The following EDA variants were observed in gnomAD, a reference collection of about 807,000 sequenced individuals.
EDA encodes the protein ectodysplasin-A.
EDA carries 2 observed loss-of-function variants against 23.6 expected under a neutral mutation model. The ratio of observed to expected loss-of-function variants is 0.08; its 90% CI spans 0.03 to 0.27. The LOEUF is 0.27. Ranked by LOEUF, EDA falls within the 10% of genes least tolerant of loss-of-function variation. The pLI is 1.00. For synonymous variants in EDA, 131 were observed against 132.0 expected (o/e 0.99, Z 0.05); for missense variants, 229 against 324.2 (o/e 0.71, Z 2.26).
In EDA at chrX:69,823,061, G is replaced by A. The variant is rs372347872; in HGVS notation, c.397-133966G>A. Among the ~76,000 whole-genome samples the A allele has an allele frequency of 3.6e-4, 35 of 97,801 alleles. 1 individual carries two copies. In the East Asian group the frequency reaches 9.8e-3, roughly 27 times the overall value. 84.9% of individuals were successfully genotyped at this position (97,801 alleles called of 115,157 possible). On this transcript the variant is annotated intron_variant, in intron 1 of 7. Coordinates refer to ENST00000374552, the MANE Select transcript of EDA (RefSeq NM_001399.5). ...TTATGGCTGCATAGTATTCCATGGT[G>A]TATATGTGCCACATTTTCTTAATCC...
chrX:69,650,682 G>A (rs1444241951), intron 1 of EDA, among the ~76,000 whole-genome samples: 1 of 111,530 alleles, frequency 9.0e-6, no homozygotes, highest in Admixed American at 9.6e-5. Context: ...AATATCACAT[G>A]TACTCCAAAA....
chrX:69,818,645 C>T (rs1011035241), intron 1 of EDA, among the ~76,000 whole-genome samples: 14 of 111,374 alleles, frequency 1.3e-4, no homozygotes, highest in African/African-American at 4.2e-4. Flanking sequence ...TGGACACATA[C>T]ACCTTCCCAA....
intron 1 of EDA, among the ~76,000 whole-genome samples, chrX:69,855,993 A>G (rs1468067640): frequency 2.7e-5 from 3 of 109,820 alleles, no homozygotes; most frequent in Non-Finnish European, 5.7e-5. Context: ...TGCACCCATC[A>G]CCCAAGCAGT....
chrX:69,711,312 T>A (rs965818654), intron 1 of EDA, among the ~76,000 whole-genome samples: 3 of 111,804 alleles, frequency 2.7e-5, no homozygotes, highest in African/African-American at 6.5e-5. Context: ...TTTGTCTATG[T>A]TGAACCAGCC....
chrX:69,907,636 T>C (rs1489807749), intron 1 of EDA, among the ~76,000 whole-genome samples: 3 of 111,722 alleles, frequency 2.7e-5, no homozygotes, highest in Non-Finnish European at 5.6e-5. Context: ...AATGTGTACA[T>C]ATATTTAGTT....
intron 1 of EDA, among the ~76,000 whole-genome samples, chrX:69,694,102 A>G (rs1269428447): frequency 1.8e-5 from 2 of 112,290 alleles, no homozygotes; most frequent in East Asian, 5.6e-4. Flanking sequence ...ATAATTTTTT[A>G]TACTCCATGA....
intron 1 of EDA, among the ~76,000 whole-genome samples, chrX:69,873,522 G>C (rs1422072119): frequency 2.7e-5 from 3 of 112,174 alleles, no homozygotes; most frequent in Non-Finnish European, 5.6e-5. Flanking sequence ...CAAGAAGAGA[G>C]AAGATCCAAA....
chrX:70,016,552 C>T (rs1360869474), intron 2 of EDA, among the ~76,000 whole-genome samples: 1 of 112,018 alleles, frequency 8.9e-6, no homozygotes, highest in African/African-American at 3.2e-5. Context: ...TGTCAAACCA[C>T]AGCACAATAA....
chrX:69,686,425 A>G (rs971908917), intron 1 of EDA, among the ~76,000 whole-genome samples: 9 of 112,499 alleles, frequency 8.0e-5, no homozygotes, highest in Non-Finnish European at 1.7e-4. Flanking sequence ...TTTTAAGATA[A>G]CAGCTTTATT....
At chrX:69,698,501 A>G (rs1356921087) in intron 1 of EDA, among the ~76,000 whole-genome samples, 1 of 111,899 alleles carries the variant, frequency 8.9e-6, no homozygotes, top group Non-Finnish European at 1.9e-5. Context: ...CGAATAAAAG[A>G]CAGTGTCTGG....
intron 1 of EDA, among the ~76,000 whole-genome samples, chrX:69,623,586 C>T (rs1379444050): frequency 2.7e-5 from 3 of 111,067 alleles, no homozygotes; most frequent in South Asian, 3.8e-4. Flanking sequence ...TCTCAGCATC[C>T]TTTATGTCTG....
intron 1 of EDA, among the ~76,000 whole-genome samples, chrX:69,943,110 G>A (rs891462870): frequency 2.7e-5 from 3 of 111,119 alleles, no homozygotes; most frequent in Non-Finnish European, 5.7e-5. Context: ...GTGTTAGCTT[G>A]GATTTCATTG....
intron 2 of EDA, among the ~76,000 whole-genome samples, chrX:69,998,679 T>C (rs368413923): frequency 2.4e-3 from 273 of 111,786 alleles, no homozygotes; most frequent in African/African-American, 8.1e-3. Flanking sequence ...ATAATTCCCA[T>C]GTTGTGGGAG....
At chrX:69,787,400 AT>A (rs1214051426) in intron 1 of EDA, among the ~76,000 whole-genome samples, 1 of 104,175 alleles carries the variant, frequency 9.6e-6, no homozygotes, top group Non-Finnish European at 2.0e-5. Flanking sequence ...TGGTCTTTAC[AT>A]TTTGGCATGA....
intron 1 of EDA, among the ~76,000 whole-genome samples, chrX:69,794,973 C>A (rs1184555547): frequency 9.0e-6 from 1 of 111,658 alleles, no homozygotes; most frequent in Non-Finnish European, 1.9e-5. Flanking sequence ...AAAAGAGGGG[C>A]TACATAGTAT....
rs202079519 is a variant in EDA, at chrX:69,856,254, GGTGT to G, written c.397-100732_397-100729del. Among the ~76,000 whole-genome samples the G allele has an allele frequency of 6.4e-3, 477 of 74,921 alleles. 3 individuals carry two copies. Among genetic ancestry groups the G allele is most frequent in the African/African-American group, 0.015 (307 of 20,094 alleles). 65.1% of individuals were successfully genotyped at this position (74,921 alleles called of 115,157 possible). ...TTTTTATGGCTGAGTAGTATTCCATGGTGTGTGTGTGTGTGTGTGTGTGTGTGTG... is the reference window on the plus strand; with the variant it reads ...TTTTTATGGCTGAGTAGTATTCCATGGTGTGTGTGTGTGTGTGTGTGTGTG... On this transcript the variant is annotated intron_variant, in intron 1 of 7. Transcript: ENST00000374552.
intron 1 of EDA, among the ~76,000 whole-genome samples, chrX:69,716,588 T>G (rs2012347079): frequency 9.0e-6 from 1 of 111,100 alleles, no homozygotes; most frequent in African/African-American, 3.3e-5. Context: ...TTTAAAATAG[T>G]TTTTTCTAGT....
chrX:69,864,883 C>T (rs767116075), intron 1 of EDA, among the ~76,000 whole-genome samples: 3 of 110,699 alleles, frequency 2.7e-5, no homozygotes, highest in Non-Finnish European at 5.7e-5. Flanking sequence ...ACCAGCTACT[C>T]GGGAGGCTGA....
chrX:69,821,077 T>C (rs1038891809), intron 1 of EDA, among the ~76,000 whole-genome samples: 2 of 111,267 alleles, frequency 1.8e-5, no homozygotes, highest in Non-Finnish European at 3.8e-5. Flanking sequence ...CAAGATCATG[T>C]CCTTTGCAGT....
Sources: gnomAD v4.1 joint callset for allele counts (sites outside exome capture counted in the v4.1 genomes callset) on GRCh38, gnomAD v4.1.1 for gene constraint, MANE v1.5 for transcripts, NCBI Gene and HGNC (gene_info 2026-07-23, HGNC 2026-07-21) for gene names.